Variants in FAM107B observed in about 807,000 individuals in gnomAD.
The protein encoded by FAM107B is protein FAM107B.
Under a neutral mutation model 31.5 loss-of-function variants are expected in FAM107B, and 21 were observed. That is an observed-to-expected ratio of 0.67 (90% confidence interval 0.47 to 0.96). The LOEUF is 0.96. Ranked by LOEUF, FAM107B falls within the 40% of genes least tolerant of loss-of-function variation. FAM107B has a pLI of 0.00. For missense variants in FAM107B, 452 were observed against 377.1 expected (o/e 1.20, Z -1.64); for synonymous variants, 157 against 141.5 (o/e 1.11, Z -0.78).
intron 4 of FAM107B, 62 bp from the exon 5 acceptor site, chr10:14,521,368 T>A: frequency 7.4e-7 from 1 of 1,354,666 alleles, no homozygotes; most frequent in Non-Finnish European, 1.0e-6. Flanking sequence ...AAAATACTCT[T>A]CTCTCTTTTC....
At chr10:14,521,816 A>G in intron 4 of FAM107B, 53 bp downstream of exon 4, 1 of 1,595,880 alleles carries the variant, frequency 6.3e-7, no homozygotes, top group Non-Finnish European at 8.5e-7. Flanking sequence ...CAACACTCCA[A>G]CATTCTTCAA....
intron 2 of FAM107B, among the ~76,000 whole-genome samples, chr10:14,553,861 G>C (rs753681145): frequency 6.6e-6 from 1 of 152,194 alleles, no homozygotes; most frequent in Non-Finnish European, 1.5e-5. Context: ...CTGAGGGCCA[G>C]AGAGGCTAAG....
chr10:14,541,981 C>G (rs1848249786), intron 2 of FAM107B, among the ~76,000 whole-genome samples: 1 of 152,148 alleles, frequency 6.6e-6, no homozygotes, highest in Non-Finnish European at 1.5e-5. Flanking sequence ...ATGGGCCGGG[C>G]ACAGTGGCTC....
chr10:14,694,058 T>C lies in FAM107B; in HGVS notation c.412-26367A>G, dbSNP rs117826159. Among the ~76,000 whole-genome samples the C allele has an allele frequency of 3.4e-3, 520 of 152,334 alleles. 8 individuals carry two copies. The East Asian group carries it at 0.048, about 14-fold the overall frequency. On this transcript the variant is annotated intron_variant, in intron 1 of 4. Coordinates refer to ENST00000181796, the MANE Select transcript of FAM107B (RefSeq NM_031453.4). ...GTGGTAAAGGGCTGGACCTTCTTTT[T>C]TAAGGCTGAATGATATTCCGCTGTA...
chr10:14,712,028 G>T (rs765893412), intron 1 of FAM107B, among the ~76,000 whole-genome samples: 1 of 152,194 alleles, frequency 6.6e-6, no homozygotes, highest in Non-Finnish European at 1.5e-5. Flanking sequence ...GTAGTCTAAG[G>T]CTTAAACCTA....
chr10:14,594,796 G>A (rs2131351403), intron 2 of FAM107B, among the ~76,000 whole-genome samples: 1 of 152,218 alleles, frequency 6.6e-6, no homozygotes, highest in African/African-American at 2.4e-5. Flanking sequence ...GAAAATAATG[G>A]CCATAACTGT....
chr10:14,710,702 C>A (rs1424337411), intron 1 of FAM107B, among the ~76,000 whole-genome samples: 2 of 150,550 alleles, frequency 1.3e-5, no homozygotes, highest in Non-Finnish European at 3.0e-5. Context: ...TCACTCTTAA[C>A]AAAAAAAGTT....
chr10:14,590,580 G>C (rs956220114), intron 2 of FAM107B, among the ~76,000 whole-genome samples: 1 of 152,128 alleles, frequency 6.6e-6, no homozygotes, highest in African/African-American at 2.4e-5. Flanking sequence ...CATTCGCTAC[G>C]ATCATGCTTC....
intron 3 of FAM107B, among the ~76,000 whole-genome samples, chr10:14,522,561 G>A (rs564340699): frequency 3.9e-5 from 6 of 151,974 alleles, no homozygotes; most frequent in Non-Finnish European, 5.9e-5. Context: ...GATTACAGGC[G>A]TGCACCACCA....
intron 1 of FAM107B, among the ~76,000 whole-genome samples, chr10:14,744,825 T>C (rs1236456222): frequency 1.3e-5 from 2 of 152,218 alleles, no homozygotes; most frequent in Non-Finnish European, 2.9e-5. Context: ...TGGAATTGTT[T>C]CAGGAGAAAT....
chr10:14,584,191 C>T (rs1053292536), intron 2 of FAM107B, among the ~76,000 whole-genome samples: 1 of 152,148 alleles, frequency 6.6e-6, no homozygotes, highest in Non-Finnish European at 1.5e-5. Context: ...CTGGGTAGCT[C>T]GTTGGTGTCT....
intron 2 of FAM107B, among the ~76,000 whole-genome samples, chr10:14,657,311 T>TG (rs1854086973): frequency 1.3e-5 from 2 of 152,154 alleles, no homozygotes; most frequent in African/African-American, 4.8e-5. Flanking sequence ...CTTAACAGAT[T>TG]CGGCCTAGGA....
At chr10:14,522,267 TGC>T in intron 3 of FAM107B, 1 of 496,932 alleles carries the variant, frequency 2.0e-6, no homozygotes. Context: ...ACGTGCCATG[TGC>T]AAGACACTAG....
intron 2 of FAM107B, chr10:14,663,501 C>T (rs1854306481): frequency 1.3e-5 from 2 of 152,222 alleles, no homozygotes; most frequent in Non-Finnish European, 2.9e-5. Flanking sequence ...AGACGGTAAA[C>T]TTCATCTCCC....
chr10:14,555,299 G>GT (rs1286200048), intron 2 of FAM107B, among the ~76,000 whole-genome samples: 4 of 152,076 alleles, frequency 2.6e-5, no homozygotes, highest in African/African-American at 7.2e-5. Flanking sequence ...GTCATACGAT[G>GT]TTTTTTTACC....
chr10:14,580,308 C>T (rs569667242), intron 2 of FAM107B, among the ~76,000 whole-genome samples: 4 of 151,600 alleles, frequency 2.6e-5, no homozygotes, highest in African/African-American at 7.3e-5. Flanking sequence ...TGCAGTGAGC[C>T]GAGATCATGC....
chr10:14,701,794 G>A (rs150206461), intron 1 of FAM107B, among the ~76,000 whole-genome samples: 207 of 152,064 alleles, frequency 1.4e-3, no homozygotes, highest in African/African-American at 4.8e-3. Flanking sequence ...AAACAATGGC[G>A]TTTTGTAAAA....
chr10:14,729,894 T>C (rs996474112), intron 1 of FAM107B, among the ~76,000 whole-genome samples: 1 of 152,138 alleles, frequency 6.6e-6, no homozygotes, highest in Non-Finnish European at 1.5e-5. Context: ...TGCAGGGACA[T>C]AAATGAAGCT....
chr10:14,712,226 T>A (rs972045338), intron 1 of FAM107B, among the ~76,000 whole-genome samples: 2 of 152,158 alleles, frequency 1.3e-5, no homozygotes, highest in Non-Finnish European at 2.9e-5. Flanking sequence ...TACTAAAATA[T>A]CTTATGTATC....
Sources: gnomAD v4.1 joint callset for allele counts (sites outside exome capture counted in the v4.1 genomes callset) on GRCh38, gnomAD v4.1.1 for gene constraint, MANE v1.5 for transcripts, NCBI Gene and HGNC (gene_info 2026-07-23, HGNC 2026-07-21) for gene names.